The following IL13RA1 variants were observed in gnomAD, a reference collection of about 807,000 sequenced individuals.
IL13RA1 encodes interleukin 13 receptor subunit alpha 1.
In IL13RA1, 14 loss-of-function variants were observed where a neutral mutation model predicts 33.8. The ratio of observed to expected loss-of-function variants is 0.41; its 90% confidence interval spans 0.27 to 0.65. The LOEUF (loss-of-function observed/expected upper bound fraction) is 0.65, where lower values mean the gene tolerates loss of function less well. Ranked by LOEUF, IL13RA1 falls within the 30% of genes least tolerant of loss-of-function variation. IL13RA1 has a pLI of 0.28. For synonymous variants in IL13RA1, 116 were observed against 115.7 expected, an observed-to-expected ratio of 1.00 and a Z score of -0.02; for missense variants, 313 against 327.0, an observed-to-expected ratio of 0.96 and a Z score of 0.33.
At chrX:118,770,234 A>T (rs1319170744) in intron 8 of IL13RA1, 1 of 306,861 alleles carries the variant, frequency 3.3e-6, no homozygotes, top group Non-Finnish European at 6.4e-6. Context: ...GAGTGCACCC[A>T]CTGCGCCGCC....
At chrX:118,778,560 C>T (rs1054240106) in intron 10 of IL13RA1, among the ~76,000 whole-genome samples, 3 of 111,282 alleles carry the variant, frequency 2.7e-5, no homozygotes, top group South Asian at 3.8e-4. Context: ...AGGTCAGGGA[C>T]GAGTTCTAGG....
intron 6 of IL13RA1, 22 bp from the exon 7 acceptor site, chrX:118,766,508 T>C (rs1401650169): frequency 2.4e-6 from 2 of 830,902 alleles, no homozygotes; most frequent in East Asian, 6.3e-5. Context: ...CATTAGTTTA[T>C]TTATTTATTT....
chrX:118,771,532 G>A (rs146066808), intron 8 of IL13RA1, among the ~76,000 whole-genome samples: 4 of 112,447 alleles, frequency 3.6e-5, no homozygotes, highest in African/African-American at 9.7e-5. Flanking sequence ...CCCTGAACCT[G>A]GTTGGGCCTG....
intron 4 of IL13RA1, among the ~76,000 whole-genome samples, chrX:118,752,848 C>T (rs2017485697): frequency 8.9e-6 from 1 of 112,144 alleles, no homozygotes. Flanking sequence ...GTAGATCCAG[C>T]TCCCTAAAGA....
chrX:118,802,529 C>G, the IL13RA1 span, among the ~76,000 whole-genome samples: 2 of 111,378 alleles, frequency 1.8e-5, no homozygotes, highest in Non-Finnish European at 1.9e-5. Context: ...TAGCTAGGTA[C>G]TGTATGATGC....
the IL13RA1 span, among the ~76,000 whole-genome samples, chrX:118,800,459 A>G: frequency 3.6e-5 from 4 of 110,593 alleles, no homozygotes; most frequent in East Asian, 1.1e-3. Flanking sequence ...TAAGAGCTGT[A>G]ACACACACCG....
chrX:118,770,246 G>A, intron 8 of IL13RA1: 1 of 315,733 alleles, frequency 3.2e-6, no homozygotes, highest in Non-Finnish European at 6.2e-6. Flanking sequence ...TGCGCCGCCT[G>A]CCCATCGTGC....
intron 4 of IL13RA1, among the ~76,000 whole-genome samples, chrX:118,750,143 G>A (rs2017455483): frequency 9.0e-6 from 1 of 111,018 alleles, no homozygotes. Context: ...GCACTCGTGT[G>A]TGTGTATATG....
chrX:118,803,506 TACC>T, the IL13RA1 span, among the ~76,000 whole-genome samples: 341 of 112,530 alleles, frequency 3.0e-3, 2 homozygotes, highest in African/African-American at 0.011. Context: ...AAAACTGCAA[TACC>T]ATTATCACAC....
chrX:118,743,143 C>G (rs1202055943), intron 2 of IL13RA1, among the ~76,000 whole-genome samples: 2 of 111,545 alleles, frequency 1.8e-5, no homozygotes, highest in Admixed American at 1.9e-4. Context: ...GATATCCTGT[C>G]TGGACCTTTT....
chrX:118,752,665 G>T (rs1487092256), intron 4 of IL13RA1, among the ~76,000 whole-genome samples: 4 of 112,191 alleles, frequency 3.6e-5, no homozygotes, highest in Non-Finnish European at 7.5e-5. Context: ...TTGAGAGCGG[G>T]AGCTGTGTCT....
chrX:118,759,703 C>T (rs2017571277), intron 5 of IL13RA1, among the ~76,000 whole-genome samples: 1 of 112,402 alleles, frequency 8.9e-6, no homozygotes, highest in African/African-American at 3.2e-5. Flanking sequence ...CCATTATCTT[C>T]TATTGCTTGG....
rs186843237 is a variant in IL13RA1, at chrX:118,765,651, C to A, written c.829-879C>A. On this transcript the variant is annotated intron_variant, in intron 6 of 10. Transcript: ENST00000371666. ...TTGTCTCTTGGTACACATGTGCGTA[C>A]ATTTGTATGGGGCATTTATATAGGC... Among the ~76,000 whole-genome samples, 561 of 111,858 alleles carry A rather than the reference C, an allele frequency of 5.0e-3. 2 individuals carry two copies. The highest frequency in any genetic ancestry group is 8.8e-3 in the Non-Finnish European group (467 of 53,175).
In IL13RA1 at chrX:118,793,039, C is replaced by T. The variant is rs1392378783; in HGVS notation, c.*1185C>T. The T allele has an allele frequency of 1.8e-5, 2 of 111,435 alleles. No homozygotes were observed. The highest frequency in any genetic ancestry group is 5.6e-4 in the East Asian group (2 of 3,551). 9.2% of individuals were successfully genotyped at this position (111,435 alleles called of 1,213,427 possible). A position where few individuals can be genotyped will look rare whatever the true frequency, so the allele number is the denominator to read the frequency against. On this transcript the variant is annotated 3_prime_UTR_variant, in exon 11 of 11. Transcript: ENST00000371666. ...TTGCCACTTTTTTTTTTAATCTCCACCAGTCATTTTTCAGACCTTTTAACT... is the reference window on the plus strand; with the variant it reads ...TTGCCACTTTTTTTTTTAATCTCCATCAGTCATTTTTCAGACCTTTTAACT...
At chrX:118,766,287 G>T (rs780006948) in intron 6 of IL13RA1, among the ~76,000 whole-genome samples, 10 of 110,522 alleles carry the variant, frequency 9.0e-5, no homozygotes, top group African/African-American at 3.3e-4. Context: ...ATTTAAATCT[G>T]CAATATATCA....
At chrX:118,787,903 G>T (rs950722175) in intron 10 of IL13RA1, among the ~76,000 whole-genome samples, 5 of 111,579 alleles carry the variant, frequency 4.5e-5, no homozygotes, top group African/African-American at 1.6e-4. Flanking sequence ...CATGCTTTAT[G>T]AACAATTTGT....
chrX:118,758,641 A>G (rs1029569058), intron 5 of IL13RA1, among the ~76,000 whole-genome samples: 32 of 111,866 alleles, frequency 2.9e-4, no homozygotes, highest in Middle Eastern at 4.6e-3. Flanking sequence ...TGGAAGGTCA[A>G]GGGGCCAAGT....
At chrX:118,794,771 A>G (rs1179801063), downstream of IL13RA1, among the ~76,000 whole-genome samples, 1 of 111,964 alleles carries the variant, frequency 8.9e-6, no homozygotes, top group East Asian at 2.8e-4. Context: ...AAGGGACTTA[A>G]GTATTCAATA....
chrX:118,764,198 C>T (rs1476922192), intron 6 of IL13RA1, among the ~76,000 whole-genome samples: 2 of 76,460 alleles, frequency 2.6e-5, no homozygotes. Flanking sequence ...CCCCCACCTT[C>T]CCAGCAGACT....
Sources: gnomAD v4.1 joint callset for allele counts (sites outside exome capture counted in the v4.1 genomes callset) on GRCh38, gnomAD v4.1.1 for gene constraint, MANE v1.5 for transcripts, NCBI Gene and HGNC (gene_info 2026-07-23, HGNC 2026-07-21) for gene names.